The following TFB1M variants were observed in gnomAD, a reference collection of about 807,000 sequenced individuals.
TFB1M encodes transcription factor B1, mitochondrial, also known as dimethyladenosine transferase 1, mitochondrial.
A neutral mutation model predicts 31.1 loss-of-function variants in TFB1M; 27 were observed. That is an observed-to-expected ratio of 0.87 (90% CI 0.64 to 1.20). The LOEUF (loss-of-function observed/expected upper bound fraction) is 1.20, where lower values mean the gene tolerates loss of function less well. Among genes scored for constraint, TFB1M ranks in the 50% most tolerant of loss-of-function variants. TFB1M has a pLI of 0.00. For synonymous variants in TFB1M, 166 were observed against 151.8 expected (o/e 1.09, Z -0.69); for missense variants, 394 against 418.7 (o/e 0.94, Z 0.51).
intron 4 of TFB1M, among the ~76,000 whole-genome samples, chr6:155,288,922 T>C (rs1484371400): frequency 3.9e-5 from 6 of 152,194 alleles, no homozygotes; most frequent in African/African-American, 7.2e-5. Context: ...CATTACAAGA[T>C]AGATGATTTT....
the TFB1M span, chr6:155,240,575 C>T: frequency 6.2e-7 from 1 of 1,614,138 alleles, no homozygotes; most frequent in Non-Finnish European, 8.5e-7. Context: ...TAACGACAGT[C>T]AGGCCAACGG....
chr6:155,268,712 G>A (rs909477659), intron 5 of TFB1M, among the ~76,000 whole-genome samples: 94 of 151,832 alleles, frequency 6.2e-4, no homozygotes, highest in African/African-American at 2.2e-3. Context: ...ATTAAGGGCG[G>A]TGCAAGATGT....
At chr6:155,280,892 T>G (rs1299250459) in intron 5 of TFB1M, among the ~76,000 whole-genome samples, 1 of 152,210 alleles carries the variant, frequency 6.6e-6, no homozygotes, top group East Asian at 1.9e-4. Context: ...CAAGAGTGGA[T>G]GTCTCAAGTT....
At chr6:155,313,282 G>C (rs1462491357) in intron 1 of TFB1M, 1 of 151,632 alleles carries the variant, frequency 6.6e-6, no homozygotes, top group Non-Finnish European at 1.5e-5. Flanking sequence ...GAAAACTTGA[G>C]TTAAATTATT....
chr6:155,245,133 T>C, the TFB1M span, among the ~76,000 whole-genome samples: 2 of 152,200 alleles, frequency 1.3e-5, no homozygotes, highest in African/African-American at 4.8e-5. Flanking sequence ...CCCGTGGTCA[T>C]GTGGATCTGG....
chr6:155,276,611 T>A, intron 5 of TFB1M: 1 of 441,732 alleles, frequency 2.3e-6, no homozygotes, highest in Non-Finnish European at 4.0e-6. Context: ...TAAAGATTTA[T>A]AATTGAAAGA....
At chr6:155,262,645 G>C (rs1390727502) in intron 5 of TFB1M, among the ~76,000 whole-genome samples, 1 of 152,104 alleles carries the variant, frequency 6.6e-6, no homozygotes, top group Non-Finnish European at 1.5e-5. Context: ...CTAAAACCAT[G>C]AAATATTATC....
chr6:155,292,796 T>C (rs1319787051), intron 4 of TFB1M, among the ~76,000 whole-genome samples: 1 of 152,076 alleles, frequency 6.6e-6, no homozygotes, highest in Non-Finnish European at 1.5e-5. Context: ...ATAGAGGTAA[T>C]GAAATTAGCA....
At chr6:155,270,467 A>G (rs569154473) in intron 5 of TFB1M, among the ~76,000 whole-genome samples, 1 of 152,304 alleles carries the variant, frequency 6.6e-6, no homozygotes, top group African/African-American at 2.4e-5. Context: ...TTTTTATATA[A>G]GAAATTCTGC....
Position 155,314,366 on chromosome 6 carries a change from G to T in TFB1M, c.63C>A (p.Ile21=). The change falls in exon 1 of 7, where the codon ATC becomes ATA. Residue 21 remains isoleucine, a synonymous_variant. Transcript: ENST00000367166. ...RLPPLPTIRE[I]IKLLRLQAAK... ...CTGCTTGCAGTCTTAACAACTTAAT[G>T]ATTTCTCGAATCGTGGGCAACGGAG... is the stretch of plus-strand genomic sequence containing the variant. 1.9e-6 allele frequency: 3 copies of T among 1,614,228 alleles called. No individual in the cohort carries two copies. Among genetic ancestry groups the T allele is most frequent in the Non-Finnish European group, 2.5e-6 (3 of 1,180,036 alleles).
At chr6:155,245,816 G>T in the TFB1M span, 3 of 915,350 alleles carry the variant, frequency 3.3e-6, no homozygotes, top group South Asian at 3.4e-5. Context: ...TTAACAAGTA[G>T]AGAGTAAGTA....
the TFB1M span, chr6:155,248,208 G>C: frequency 6.2e-7 from 1 of 1,603,928 alleles, no homozygotes; most frequent in East Asian, 2.2e-5. Flanking sequence ...CTCCGGGCGA[G>C]GGCCTGCACA....
chr6:155,247,865 T>G, the TFB1M span: 15 of 1,092,326 alleles, frequency 1.4e-5, no homozygotes, highest in Non-Finnish European at 1.8e-5. Context: ...GACCCACTGA[T>G]GTGTTGGGGT....
intron 5 of TFB1M, among the ~76,000 whole-genome samples, chr6:155,275,151 A>G (rs9371878): frequency 0.66 from 99,649 of 151,884 alleles, 33,452 homozygotes; most frequent in East Asian, 0.98. Context: ...GTGTGAACCC[A>G]GGAGGTGGAG....
At chr6:155,248,240 C>A in the TFB1M span, 3 of 1,548,642 alleles carry the variant, frequency 1.9e-6, no homozygotes, top group African/African-American at 2.7e-5. Context: ...GGCTGCCAGC[C>A]GTGCCCTGGG....
intron 4 of TFB1M, among the ~76,000 whole-genome samples, chr6:155,294,943 T>C (rs1029079984): frequency 8.5e-5 from 13 of 152,226 alleles, no homozygotes; most frequent in Middle Eastern, 3.2e-3. Flanking sequence ...AGTCAAATAG[T>C]GGGTAGTATA....
the TFB1M span, among the ~76,000 whole-genome samples, chr6:155,249,054 T>TA: frequency 7.2e-5 from 11 of 152,346 alleles, no homozygotes; most frequent in South Asian, 2.1e-3. Context: ...TCATACTATG[T>TA]AAAAACTTCA....
intron 5 of TFB1M, among the ~76,000 whole-genome samples, chr6:155,272,963 C>T (rs1469932738): frequency 1.3e-5 from 2 of 152,230 alleles, no homozygotes; most frequent in East Asian, 3.9e-4. Context: ...AAAGGTTATT[C>T]AGTCAAAGTA....
At chr6:155,291,854 T>G (rs1776941389) in intron 4 of TFB1M, among the ~76,000 whole-genome samples, 1 of 152,220 alleles carries the variant, frequency 6.6e-6, no homozygotes, top group African/African-American at 2.4e-5. Context: ...GGGATAGATC[T>G]AAGAAATGAA....
Sources: gnomAD v4.1 joint callset for allele counts (sites outside exome capture counted in the v4.1 genomes callset) on GRCh38, gnomAD v4.1.1 for gene constraint, MANE v1.5 for transcripts, NCBI Gene and HGNC (gene_info 2026-07-23, HGNC 2026-07-21) for gene names.